The following N4BP2L2 variants were observed in gnomAD, a reference collection of about 807,000 sequenced individuals.
N4BP2L2 encodes NEDD4 binding protein 2 like 2, also known as NEDD4-binding protein 2-like 2.
N4BP2L2 carries 50 observed loss-of-function variants against 56.2 expected under a neutral mutation model. That is an observed-to-expected ratio of 0.89 (90% CI 0.71 to 1.13). N4BP2L2 has a LOEUF of 1.13. Ranked by LOEUF, N4BP2L2 falls within the 50% of genes most tolerant of loss-of-function variation. The pLI is 0.00. For synonymous variants in N4BP2L2, 203 were observed against 223.6 expected, an observed-to-expected ratio of 0.91 and a Z score of 0.82; for missense variants, 689 against 693.8, an observed-to-expected ratio of 0.99 and a Z score of 0.08.
Position 32,474,198 on chromosome 13 carries a change from T to C in N4BP2L2, c.366-30072A>G, listed in dbSNP as rs554884476. 2.1e-4 allele frequency among the ~76,000 whole-genome samples: 32 copies of C among 152,266 alleles called. 1 individual carries two copies. The highest frequency in any genetic ancestry group is 1.8e-3 in the Admixed American group (28 of 15,298). On this transcript the variant is annotated intron_variant, in intron 6 of 9. Coordinates refer to the N4BP2L2 transcript ENST00000357505. ...GTAAACTTATATAGATATTCATATA[T>C]ACATATATCTATAAAGCAAATATGG...
intron 6 of N4BP2L2, among the ~76,000 whole-genome samples, chr13:32,466,965 G>A (rs1453760608): frequency 6.6e-6 from 1 of 152,106 alleles, no homozygotes; most frequent in Non-Finnish European, 1.5e-5. Flanking sequence ...ATAAAGTCCT[G>A]AATATTGGCA....
exon 7 of N4BP2L2, chr13:32,442,397 C>A (rs764573091): frequency 1.3e-6 from 2 of 1,583,094 alleles, no homozygotes; most frequent in South Asian, 1.2e-5. Flanking sequence ...CCCATTGGAA[C>A]GCCTGGAGAT....
intron 5 of N4BP2L2, among the ~76,000 whole-genome samples, chr13:32,520,017 A>T (rs1441841884): frequency 6.6e-6 from 1 of 152,148 alleles, no homozygotes; most frequent in African/African-American, 2.4e-5. Context: ...TAGGCAGGCA[A>T]AAAATATCAG....
At chr13:32,537,064 A>G (rs2056733042) in intron 1 of N4BP2L2, 37 bp from the exon 2 acceptor site, 2 of 1,299,300 alleles carry the variant, frequency 1.5e-6, no homozygotes, top group Non-Finnish European at 2.0e-6. Flanking sequence ...ACTAGCTAAT[A>G]TATTAAAAAT....
intron 6 of N4BP2L2, among the ~76,000 whole-genome samples, chr13:32,453,196 C>A (rs973130663): frequency 6.6e-6 from 1 of 152,182 alleles, no homozygotes; most frequent in Middle Eastern, 3.2e-3. Flanking sequence ...GCGGAGGTTG[C>A]AGTAAGCCCA....
intron 6 of N4BP2L2, among the ~76,000 whole-genome samples, chr13:32,459,805 A>G (rs987134373): frequency 4.6e-5 from 7 of 152,178 alleles, no homozygotes; most frequent in Non-Finnish European, 8.8e-5. Context: ...ACCTCTTTCT[A>G]TAAGGCCAGG....
At chr13:32,449,587 A>G (rs1453697624) in intron 6 of N4BP2L2, among the ~76,000 whole-genome samples, 1 of 152,250 alleles carries the variant, frequency 6.6e-6, no homozygotes, top group East Asian at 1.9e-4. Flanking sequence ...ATAATTCTTT[A>G]AACAATTTTT....
chr13:32,508,645 T>C (rs2091320862), downstream of N4BP2L2: 1 of 152,150 alleles, frequency 6.6e-6, no homozygotes, highest in Non-Finnish European at 1.5e-5. Context: ...AAAAGCCAAA[T>C]AATGACCCAA....
intron 6 of N4BP2L2, among the ~76,000 whole-genome samples, chr13:32,485,285 C>G (rs1362056572): frequency 6.6e-6 from 1 of 152,106 alleles, no homozygotes; most frequent in Non-Finnish European, 1.5e-5. Flanking sequence ...AGGAGGTAAA[C>G]TAGATTTTAA....
chr13:32,484,666 G>A (rs1416062303), intron 6 of N4BP2L2, among the ~76,000 whole-genome samples: 2 of 152,048 alleles, frequency 1.3e-5, no homozygotes, highest in African/African-American at 2.4e-5. Flanking sequence ...TGTATTTTTG[G>A]TAGAGATGGG....
intron 5 of N4BP2L2, among the ~76,000 whole-genome samples, chr13:32,520,138 C>T (rs1386783305): frequency 1.3e-5 from 2 of 151,892 alleles, no homozygotes; most frequent in African/African-American, 4.8e-5. Context: ...TTAGTTGGAC[C>T]CCATACACAG....
At chr13:32,491,621 AT>A (rs1566118337) in intron 6 of N4BP2L2, among the ~76,000 whole-genome samples, 346 of 104,428 alleles carry the variant, frequency 3.3e-3, no homozygotes, top group African/African-American at 0.013. Flanking sequence ...TATGTATATT[AT>A]ATATATATAT....
rs151316135 is a variant in N4BP2L2 at position 32,536,602 on chromosome 13, C to T, written c.426G>A (p.Glu142=). ...CATTTATACCATTTAGAACATGTGC[C>T]TCATTCCTCCCTTCATTACGTTTCT... is the stretch of plus-strand genomic sequence containing the variant. Residue 142 remains glutamate (E), a synonymous_variant, in exon 2 of 6, where the codon GAG becomes GAA. Transcript: ENST00000267068. The T allele has an allele frequency of 9.8e-5, 158 of 1,613,766 alleles. No homozygotes were observed. In the African/African-American group the frequency reaches 1.8e-3, roughly 19 times the overall value.
chr13:32,497,974 T>G (rs1296391883), intron 6 of N4BP2L2, among the ~76,000 whole-genome samples: 1 of 152,106 alleles, frequency 6.6e-6, no homozygotes, highest in Admixed American at 6.6e-5. Flanking sequence ...TTTATAGAAA[T>G]TAGACACAGT....
At chr13:32,443,581 A>G in exon 7 of N4BP2L2, 1 of 1,611,548 alleles carries the variant, frequency 6.2e-7, no homozygotes, top group Non-Finnish European at 8.5e-7. Context: ...CTTCATAAAT[A>G]AGCATGAAGT....
At chr13:32,489,860 GAAA>G (rs556433631) in intron 6 of N4BP2L2, among the ~76,000 whole-genome samples, 296 of 150,802 alleles carry the variant, frequency 2.0e-3, no homozygotes, top group Middle Eastern at 3.5e-3. Flanking sequence ...TGCTCACTAA[GAAA>G]AATGTACAGC....
chr13:32,458,420 C>CTCCAATTACA (rs1469755648), intron 6 of N4BP2L2, among the ~76,000 whole-genome samples: 1 of 152,142 alleles, frequency 6.6e-6, no homozygotes, highest in Non-Finnish European at 1.5e-5. Context: ...CTCATTTCTC[C>CTCCAATTACA]TGTAGAAACA....
chr13:32,494,759 G>A (rs998063769), intron 6 of N4BP2L2, among the ~76,000 whole-genome samples: 2 of 151,978 alleles, frequency 1.3e-5, no homozygotes, highest in African/African-American at 4.8e-5. Flanking sequence ...GAGTAACCCA[G>A]GTTCTCTAAA....
chr13:32,458,275 C>T (rs1271700065), intron 6 of N4BP2L2, among the ~76,000 whole-genome samples: 1 of 152,176 alleles, frequency 6.6e-6, no homozygotes, highest in Non-Finnish European at 1.5e-5. Context: ...CCGTGTTAGC[C>T]AGGATGGTCT....
Sources: allele counts gnomAD v4.1 joint callset (sites outside exome capture counted in the v4.1 genomes callset), GRCh38; gene constraint gnomAD v4.1.1; transcripts MANE v1.5; gene names NCBI Gene and HGNC (gene_info 2026-07-23, HGNC 2026-07-21).